NUP210: variants seen among roughly 807,000 people sequenced by gnomAD.
NUP210 encodes the protein nuclear pore membrane glycoprotein 210.
In NUP210, 151 loss-of-function variants were observed where a neutral mutation model predicts 196.0. The observed-to-expected ratio is 0.77, with a 90% confidence interval of 0.67 to 0.88. The LOEUF (loss-of-function observed/expected upper bound fraction) is 0.88, where lower values mean the gene tolerates loss of function less well. Ranked by LOEUF, NUP210 falls within the 40% of genes least tolerant of loss-of-function variation. The probability of loss-of-function intolerance (pLI) is 0.00; values close to 1 mark genes in which losing one functional copy is unlikely to be tolerated. For synonymous variants in NUP210, 1,070 were observed against 1,052.7 expected (o/e 1.02, Z -0.32); for missense variants, 2,314 against 2,493.7 (o/e 0.93, Z 1.53).
intron 1 of NUP210, among the ~76,000 whole-genome samples, chr3:13,401,218 C>T (rs547115859): frequency 3.5e-5 from 5 of 141,206 alleles, no homozygotes; most frequent in Admixed American, 2.2e-4. Flanking sequence ...CAAGATCAAG[C>T]CATTGCATTC....
chr3:13,415,591 GC>G (rs1267867977), intron 1 of NUP210, among the ~76,000 whole-genome samples: 2 of 152,230 alleles, frequency 1.3e-5, no homozygotes, highest in African/African-American at 2.4e-5. Flanking sequence ...ACAGGTGTGG[GC>G]TCAGGGAAGG....
At position 13,352,125 on chromosome 3, in the gene NUP210, C is replaced by T. The variant is rs1211761652; in HGVS notation, c.2688G>A (p.Arg896=). 9 of 1,613,964 alleles carry T rather than the reference C, an allele frequency of 5.6e-6. 1 individual carries two copies. Among genetic ancestry groups the T allele is most frequent in the Non-Finnish European group, 7.6e-6 (9 of 1,180,010 alleles). The part of the protein sequence containing the change: ...SIELILVEDV[R]VSPEEVTIYN... Reference sequence around the variant, plus strand: ...AGATGGTCACCTCTTCTGGGCTCACCCTCACGTCCTCCACCAGGATGAGCT... The same window carrying T: ...AGATGGTCACCTCTTCTGGGCTCACTCTCACGTCCTCCACCAGGATGAGCT... Residue 896 remains arginine, a synonymous_variant, in exon 19 of 40, where the codon AGG becomes AGA. Transcript: ENST00000254508.
At chr3:13,391,094 G>C (rs1007143328) in intron 4 of NUP210, 117 bp downstream of exon 4, 1 of 703,266 alleles carries the variant, frequency 1.4e-6, no homozygotes, top group Admixed American at 2.1e-5. Flanking sequence ...GGCATCCTAG[G>C]AGTCTCCCAG....
chr3:13,378,016 T>G (rs1698977987), intron 8 of NUP210, among the ~76,000 whole-genome samples: 1 of 152,196 alleles, frequency 6.6e-6, no homozygotes, highest in Non-Finnish European at 1.5e-5. Flanking sequence ...TAATGCCACC[T>G]TCAGCCCTAA....
Position 13,328,965 on chromosome 3 carries a change from G to A in NUP210, c.4111-19C>T, listed in dbSNP as rs1188253722. ...GGGATACCTAAGGGACAACATACAG[G>A]TATGATGAGGATTCAGTGCCAGGGA... On this transcript the variant is annotated intron_variant, in intron 30 of 39. Transcript: ENST00000254508. The A allele has an allele frequency of 6.2e-7, 1 of 1,608,484 alleles. No homozygotes were observed. The highest frequency in any genetic ancestry group is 1.3e-5 in the African/African-American group (1 of 74,816).
At chr3:13,332,068 C>T (rs996851986) in intron 29 of NUP210, among the ~76,000 whole-genome samples, 6 of 152,050 alleles carry the variant, frequency 3.9e-5, no homozygotes, top group African/African-American at 1.5e-4. Context: ...AAAAATGTTT[C>T]TAGGCTACAA....
At chr3:13,377,424 T>C (rs751421439) in intron 9 of NUP210, 32 bp downstream of exon 9, 3 of 1,499,070 alleles carry the variant, frequency 2.0e-6, no homozygotes, top group Middle Eastern at 1.8e-4. Flanking sequence ...CCCCACCTCA[T>C]CCCCCCAGCC....
intron 4 of NUP210, among the ~76,000 whole-genome samples, chr3:13,389,502 G>A (rs1336474059): frequency 5.3e-5 from 8 of 152,178 alleles, no homozygotes; most frequent in South Asian, 2.1e-4. Flanking sequence ...ACACAGGCAG[G>A]AAGCGACAAA....
intron 16 of NUP210, chr3:13,354,722 C>G (rs559473563): frequency 6.6e-6 from 1 of 152,348 alleles, no homozygotes; most frequent in Non-Finnish European, 1.5e-5. Flanking sequence ...GTGGAATACT[C>G]GCCTAATCCT....
intron 30 of NUP210, among the ~76,000 whole-genome samples, chr3:13,329,637 C>T (rs1485923721): frequency 6.6e-6 from 1 of 152,198 alleles, no homozygotes; most frequent in Non-Finnish European, 1.5e-5. Flanking sequence ...CATTTTGAAA[C>T]AAAATGATGT....
intron 13 of NUP210, among the ~76,000 whole-genome samples, chr3:13,367,671 G>A (rs985960349): frequency 6.6e-6 from 1 of 152,280 alleles, no homozygotes; most frequent in Admixed American, 6.5e-5. Flanking sequence ...AGGGAACCAT[G>A]GGCATAACTC....
At chr3:13,418,659 GC>G (rs1355872706) in intron 1 of NUP210, among the ~76,000 whole-genome samples, 2 of 151,550 alleles carry the variant, frequency 1.3e-5, no homozygotes, top group Non-Finnish European at 2.9e-5. Flanking sequence ...GTTGTGGCGG[GC>G]GCCTGTAATC....
Position 13,360,325 on chromosome 3 carries a change from G to A in NUP210, c.2099C>T (p.Ser700Phe). 1 of 1,614,246 alleles carries A rather than the reference G, an allele frequency of 6.2e-7. No homozygotes were observed. Among genetic ancestry groups the A allele is most frequent in the Non-Finnish European group, 8.5e-7 (1 of 1,180,052 alleles). Residue 700 changes from serine (S) to phenylalanine (F), a missense_variant, in exon 15 of 40, where the codon TCC becomes TTC. Transcript: ENST00000254508. ...IGLALFAPHS[S>F]RNYQQHWILV... ...GATCCAGTGTTGCTGATAATTCCGG[G>A]AGGAATGGGGGGCAAAGAGAGCCAG... is the stretch of plus-strand genomic sequence containing the variant.
rs574707282 is a variant in NUP210, at chr3:13,341,988, G to T, written c.3092+8C>A. 1.9e-6 allele frequency: 3 copies of T among 1,614,104 alleles called. No individual in the cohort carries two copies. Among genetic ancestry groups the T allele is most frequent in the East Asian group, 2.2e-5 (1 of 44,884 alleles). ...AGGTGCCCTCCTCTGACCCCTAGGA[G>T]AACTCACACCAATGTAATGATCGGG... On this transcript the variant is annotated splice_region_variant and intron_variant, in intron 22 of 39. Coordinates refer to ENST00000254508, the MANE Select transcript of NUP210 (RefSeq NM_024923.4).
Position 13,317,506 on chromosome 3 carries a change from G to C in NUP210, c.*175C>G, listed in dbSNP as rs950695543. ...CATTTAAAACTCCTACATAAAATGAGCTAATGGGCAGAGCCGAAACTACAG... is the reference window on the plus strand; with the variant it reads ...CATTTAAAACTCCTACATAAAATGACCTAATGGGCAGAGCCGAAACTACAG... On this transcript the variant is annotated 3_prime_UTR_variant, in exon 40 of 40. Coordinates refer to ENST00000254508, the MANE Select transcript of NUP210 (RefSeq NM_024923.4). The C allele has an allele frequency of 3.3e-6, 2 of 601,618 alleles. No individual in the cohort carries two copies. Among genetic ancestry groups the C allele is most frequent in the Non-Finnish European group, 5.9e-6 (2 of 337,100 alleles). 37.3% of individuals were successfully genotyped at this position (601,618 alleles called of 1,614,324 possible).
At position 13,327,263 on chromosome 3, in the gene NUP210, C is replaced by A; in HGVS notation, c.4461G>T (p.Val1487=). ...TGGCCAGACAGAGCACGTCCCCCAC[C>A]ACCATGGCCCCAGACAGCTCTGGGG... ...AISPELSGAM[V]VGDVLCLATV... is the part of the protein sequence containing the mutation. The change falls in exon 32 of 40, where the codon GTG becomes GTT. Residue 1487 remains valine, a synonymous_variant. Transcript: ENST00000254508. The A allele has an allele frequency of 6.2e-7, 1 of 1,613,496 alleles. No individual in the cohort carries two copies. The highest frequency in any genetic ancestry group is 8.5e-7 in the Non-Finnish European group (1 of 1,180,022).
chr3:13,320,588 G>C (rs1696480675), intron 36 of NUP210, among the ~76,000 whole-genome samples: 1 of 144,972 alleles, frequency 6.9e-6, no homozygotes, highest in Non-Finnish European at 1.5e-5. Flanking sequence ...AGCCAAGATA[G>C]TGCCACTGCA....
At chr3:13,376,671 C>T (rs1576398066) in intron 9 of NUP210, among the ~76,000 whole-genome samples, 2 of 152,140 alleles carry the variant, frequency 1.3e-5, no homozygotes, top group Non-Finnish European at 2.9e-5. Flanking sequence ...ACCTGCGCTT[C>T]GATTTCATCC....
In NUP210 at chr3:13,327,435, T is replaced by A. The variant is rs1231635318; in HGVS notation, c.4289A>T (p.Asp1430Val). The A allele has an allele frequency of 1.2e-6, 2 of 1,606,342 alleles. No individual in the cohort carries two copies. Among genetic ancestry groups the A allele is most frequent in the African/African-American group, 2.7e-5 (2 of 74,680 alleles). The change falls in exon 32 of 40, where the codon GAC (aspartate) becomes GTC (valine). Residue 1430 changes from aspartate (D) to valine (V), a missense_variant and splice_region_variant. Physicochemically the swap from Asp to Val is radical, Grantham distance 152 (BLOSUM62 -3). Coordinates refer to ENST00000254508, the MANE Select transcript of NUP210 (RefSeq NM_024923.4). ...GCCCTTCCCGATCTGCACAAAGTCG[T>A]CTCTAGGCACAGGAGAGAAAGGAGG... ...SSVLNFATNR[D>V]DFVQIGKGPT...
Sources: allele counts gnomAD v4.1 joint callset (sites outside exome capture counted in the v4.1 genomes callset), GRCh38; gene constraint gnomAD v4.1.1; transcripts MANE v1.5; gene names NCBI Gene and HGNC (gene_info 2026-07-23, HGNC 2026-07-21).